Variants in TOX2 observed in about 807,000 individuals in gnomAD.
TOX2 encodes TOX high mobility group box family member 2.
A neutral mutation model predicts 47.4 loss-of-function variants in TOX2; 15 were observed. The observed-to-expected ratio is 0.32, with a 90% confidence interval of 0.21 to 0.49. TOX2 has a LOEUF of 0.49. Among genes scored for constraint, TOX2 ranks in the 20% least tolerant of loss-of-function variants. TOX2 has a pLI of 0.99. For synonymous variants in TOX2, 290 were observed against 296.6 expected (o/e 0.98, Z 0.23); for missense variants, 622 against 673.1 (o/e 0.92, Z 0.84).
intron 1 of TOX2, among the ~76,000 whole-genome samples, chr20:43,952,371 C>T (rs1407570816): frequency 6.6e-6 from 1 of 152,056 alleles, no homozygotes; most frequent in East Asian, 1.9e-4. Flanking sequence ...GTTATGCTGC[C>T]GTAACAACCC....
At chr20:43,945,694 T>G in intron 1 of TOX2, 7 of 546,458 alleles carry the variant, frequency 1.3e-5, no homozygotes, top group East Asian at 3.9e-5. Context: ...AGACCTGGCG[T>G]GGAGACCGCC....
rs753258944 is a variant in TOX2 at position 44,006,527 on chromosome 20, A to G, written c.166-20A>G. On this transcript the variant is annotated intron_variant, in intron 2 of 8. Transcript: ENST00000341197. Reference sequence around the variant, plus strand: ...TTGTAAGGCACTGACCCCCACCGACATGTCTTTTTGATGTTTTAGACCTAC... The same window carrying G: ...TTGTAAGGCACTGACCCCCACCGACGTGTCTTTTTGATGTTTTAGACCTAC... The G allele has an allele frequency of 8.6e-5, 138 of 1,600,052 alleles. 2 individuals carry two copies. In the East Asian group the frequency reaches 3.1e-3, roughly 36 times the overall value.
At chr20:43,948,197 G>T (rs570744822) in intron 1 of TOX2, among the ~76,000 whole-genome samples, 54 of 152,308 alleles carry the variant, frequency 3.5e-4, no homozygotes, top group African/African-American at 1.3e-3. Flanking sequence ...GCACACAGGG[G>T]CCCAAACACG....
intron 3 of TOX2, among the ~76,000 whole-genome samples, chr20:44,016,988 T>C (rs2070890748): frequency 6.6e-6 from 1 of 152,278 alleles, no homozygotes. Context: ...GGGATCAGTC[T>C]GAATTCATGG....
chr20:44,059,835 TAAC>T (rs1488429680), intron 5 of TOX2, among the ~76,000 whole-genome samples: 1 of 152,116 alleles, frequency 6.6e-6, no homozygotes, highest in Admixed American at 6.6e-5. Context: ...TCTAAAATAA[TAAC>T]ACAATTTTTT....
intron 3 of TOX2, among the ~76,000 whole-genome samples, chr20:44,022,613 A>G (rs987350182): frequency 2.6e-5 from 4 of 152,146 alleles, no homozygotes; most frequent in African/African-American, 4.8e-5. Flanking sequence ...TTGCAGTTCC[A>G]TGCCTTATTG....
rs769159573 is a variant in TOX2, at chr20:43,994,459, C to CACAAA, written c.166-12087_166-12086insCAAAA. ...GGGTGACAGAGCCAGACCCTGTCTC[C>CACAAA]AAAAAAAAAAAAAAAGACTACCACT... On this transcript the variant is annotated intron_variant, in intron 2 of 8. Transcript: ENST00000341197. Among the ~76,000 whole-genome samples the CACAAA allele has an allele frequency of 1.6e-3, 203 of 127,984 alleles. 8 individuals are homozygous for CACAAA. Among genetic ancestry groups the CACAAA allele is most frequent in the Middle Eastern group, 3.9e-3 (1 of 254 alleles). 84.0% of individuals were successfully genotyped at this position (127,984 alleles called of 152,430 possible). A position where few individuals can be genotyped will look rare whatever the true frequency, so the allele number is the denominator to read the frequency against.
chr20:43,948,996 C>A (rs1262982053), intron 1 of TOX2, among the ~76,000 whole-genome samples: 1 of 152,144 alleles, frequency 6.6e-6, no homozygotes, highest in Non-Finnish European at 1.5e-5. Context: ...GGAGCAGCAG[C>A]CCCCTAGTCA....
chr20:44,028,427 C>T (rs1025580170), intron 3 of TOX2, among the ~76,000 whole-genome samples: 1 of 152,176 alleles, frequency 6.6e-6, no homozygotes, highest in East Asian at 1.9e-4. Context: ...TTTTCTGCTC[C>T]CAAACCCTCG....
At chr20:44,031,728 C>T (rs1019081272) in intron 3 of TOX2, among the ~76,000 whole-genome samples, 7 of 151,978 alleles carry the variant, frequency 4.6e-5, no homozygotes, top group Non-Finnish European at 1.0e-4. Flanking sequence ...GGGCTCTGAA[C>T]CTTGGCAAGA....
chr20:43,933,297 C>G (rs1199618533), intron 1 of TOX2, among the ~76,000 whole-genome samples: 1 of 152,208 alleles, frequency 6.6e-6, no homozygotes, highest in Non-Finnish European at 1.5e-5. Context: ...ATTGCCATGA[C>G]AGAGTGGTTG....
chr20:43,991,035 C>A (rs2070359000), intron 2 of TOX2, among the ~76,000 whole-genome samples: 1 of 152,174 alleles, frequency 6.6e-6, no homozygotes, highest in African/African-American at 2.4e-5. Flanking sequence ...TGGGTACCTG[C>A]ATACAAGGAG....
chr20:44,049,517 G>A (rs1274863195), intron 3 of TOX2, among the ~76,000 whole-genome samples: 1 of 152,160 alleles, frequency 6.6e-6, no homozygotes, highest in Admixed American at 6.5e-5. Flanking sequence ...AAGCTCCAGG[G>A]TATATATGCA....
chr20:43,992,757 C>T (rs999008740), intron 2 of TOX2, among the ~76,000 whole-genome samples: 23 of 148,098 alleles, frequency 1.6e-4, no homozygotes, highest in African/African-American at 5.8e-4. Context: ...ATATTTGTAG[C>T]ATGTAACATG....
chr20:43,933,146 A>G (rs1169498814), intron 1 of TOX2, among the ~76,000 whole-genome samples: 2 of 152,208 alleles, frequency 1.3e-5, no homozygotes, highest in African/African-American at 4.8e-5. Flanking sequence ...AAAGGGGACC[A>G]CGTTGACCCC....
intron 3 of TOX2, among the ~76,000 whole-genome samples, chr20:44,039,700 G>A (rs1319996069): frequency 6.6e-6 from 1 of 152,208 alleles, no homozygotes; most frequent in African/African-American, 2.4e-5. Context: ...CCCTCTGAAA[G>A]ACTTGTGGAT....
intron 1 of TOX2, among the ~76,000 whole-genome samples, chr20:43,965,412 C>T (rs1486797814): frequency 6.6e-6 from 1 of 152,194 alleles, no homozygotes; most frequent in Non-Finnish European, 1.5e-5. Flanking sequence ...CTCCAAAGGA[C>T]TGGGGGTTCC....
intron 2 of TOX2, among the ~76,000 whole-genome samples, chr20:43,977,353 C>T (rs1184441403): frequency 3.9e-5 from 6 of 152,160 alleles, no homozygotes; most frequent in South Asian, 2.1e-4. Flanking sequence ...TTAAGTGATC[C>T]GCCCACCTCG....
chr20:44,005,363 C>G (rs964254281), intron 2 of TOX2, among the ~76,000 whole-genome samples: 1 of 152,194 alleles, frequency 6.6e-6, no homozygotes, highest in Admixed American at 6.5e-5. Flanking sequence ...AGTCATCTTC[C>G]AGTTGACACA....
Sources: gnomAD v4.1 joint callset for allele counts (sites outside exome capture counted in the v4.1 genomes callset) on GRCh38, gnomAD v4.1.1 for gene constraint, MANE v1.5 for transcripts, NCBI Gene and HGNC (gene_info 2026-07-23, HGNC 2026-07-21) for gene names.